Variants in NTN1 observed in about 807,000 individuals in gnomAD.
The protein encoded by NTN1 is netrin-1.
A neutral mutation model predicts 54.2 loss-of-function variants in NTN1; 11 were observed. That is an observed-to-expected ratio of 0.20 (90% confidence interval 0.13 to 0.34). The LOEUF (loss-of-function observed/expected upper bound fraction) is 0.34. Ranked by LOEUF, NTN1 falls within the 10% of genes least tolerant of loss-of-function variation. The pLI is 1.00. For synonymous variants in NTN1, 371 were observed against 382.0 expected, an observed-to-expected ratio of 0.97 and a Z score of 0.33; for missense variants, 740 against 893.1, an observed-to-expected ratio of 0.83 and a Z score of 2.18.
Position 9,163,113 on chromosome 17 carries a change from G to A in NTN1, c.1207+112G>A. The A allele has an allele frequency of 4.0e-6, 4 of 1,010,148 alleles. No individual in the cohort carries two copies. In the South Asian group the frequency reaches 6.5e-5, roughly 16 times the overall value. The allele number at this position is 1,010,148 out of a possible 1,614,324, so 62.6% of individuals were successfully genotyped here. A position where few individuals can be genotyped will look rare whatever the true frequency, so the allele number is the denominator to read the frequency against. ...CTTCCAGTCTGTACAAATTGGCGTTGTCTGAGGTCATCTCTCTCTCTTTCT... is the reference window on the plus strand; with the variant it reads ...CTTCCAGTCTGTACAAATTGGCGTTATCTGAGGTCATCTCTCTCTCTTTCT... On this transcript the variant is annotated intron_variant, in intron 3 of 6. Transcript: ENST00000173229.
chr17:9,114,160 AAAAAAAAT>A (rs2092202199), intron 2 of NTN1, among the ~76,000 whole-genome samples: 1 of 94,390 alleles, frequency 1.1e-5, no homozygotes, highest in Non-Finnish European at 2.2e-5. Flanking sequence ...AAAGAAAAAA[AAAAAAAAT>A]ATATATATAT....
At chr17:9,083,383 A>C (rs368319013) in intron 2 of NTN1, among the ~76,000 whole-genome samples, 2 of 152,254 alleles carry the variant, frequency 1.3e-5, no homozygotes, top group African/African-American at 4.8e-5. Flanking sequence ...GGCGTGAGCC[A>C]CTACACCCAG....
chr17:9,006,498 C>T, the NTN1 span, among the ~76,000 whole-genome samples: 7 of 152,112 alleles, frequency 4.6e-5, no homozygotes, highest in South Asian at 2.1e-4. Context: ...GCTGGACTCC[C>T]AATCCGGAGC....
At chr17:9,096,401 T>C (rs1375096451) in intron 2 of NTN1, among the ~76,000 whole-genome samples, 7 of 114,766 alleles carry the variant, frequency 6.1e-5, no homozygotes, top group Admixed American at 3.5e-4. Flanking sequence ...GATGGAGTCT[T>C]GCTCTGTCGC....
chr17:9,188,577 C>T (rs559783278), intron 5 of NTN1, among the ~76,000 whole-genome samples: 1 of 151,674 alleles, frequency 6.6e-6, no homozygotes, highest in South Asian at 2.1e-4. Flanking sequence ...GGAGACAAGG[C>T]ACTGGAGCAT....
At chr17:9,082,193 G>T (rs9897200) in intron 2 of NTN1, among the ~76,000 whole-genome samples, 13,644 of 152,106 alleles carry the variant, frequency 0.09, 708 homozygotes, top group Non-Finnish European at 0.11. Context: ...CTGAGTAACT[G>T]GGATTAGAGG....
At chr17:9,071,831 A>G (rs1314500768) in intron 2 of NTN1, among the ~76,000 whole-genome samples, 1 of 152,244 alleles carries the variant, frequency 6.6e-6, no homozygotes, top group Non-Finnish European at 1.5e-5. Flanking sequence ...CTTTCCCTCC[A>G]GAATTCCTAA....
intron 2 of NTN1, among the ~76,000 whole-genome samples, chr17:9,157,027 G>A (rs9892107): frequency 0.25 from 35,484 of 139,244 alleles, 4,351 homozygotes; most frequent in African/African-American, 0.3. Flanking sequence ...CTATCCATCC[G>A]TCCATCCATC....
chr17:9,218,923 A>AG (rs1372322208), intron 5 of NTN1, among the ~76,000 whole-genome samples: 1 of 152,084 alleles, frequency 6.6e-6, no homozygotes, highest in Non-Finnish European at 1.5e-5. Flanking sequence ...GTGAAAAAAA[A>AG]AAAAAAAATT....
At chr17:9,060,420 T>G (rs753112031) in intron 2 of NTN1, among the ~76,000 whole-genome samples, 10 of 152,232 alleles carry the variant, frequency 6.6e-5, no homozygotes, top group Non-Finnish European at 1.2e-4. Context: ...CAGTCAACAG[T>G]AGGCTACTAT....
chr17:9,060,926 A>G (rs571487325), intron 2 of NTN1, among the ~76,000 whole-genome samples: 11 of 133,638 alleles, frequency 8.2e-5, no homozygotes, highest in African/African-American at 3.1e-4. Context: ...CAGTGAGCCG[A>G]GATTGTACCA....
chr17:9,103,939 A>T (rs905706180), intron 2 of NTN1, among the ~76,000 whole-genome samples: 1 of 151,872 alleles, frequency 6.6e-6, no homozygotes, highest in African/African-American at 2.4e-5. Context: ...ATACAAAAAA[A>T]TTAGCCAGGT....
chr17:9,177,993 G>A (rs1221789423), intron 3 of NTN1, among the ~76,000 whole-genome samples: 2 of 152,168 alleles, frequency 1.3e-5, no homozygotes, highest in African/African-American at 2.4e-5. Flanking sequence ...TCAGGAGTTC[G>A]AGACCAGCCT....
intron 5 of NTN1, 104 bp downstream of exon 5, chr17:9,183,073 C>A: frequency 8.5e-7 from 1 of 1,182,684 alleles, no homozygotes; most frequent in Non-Finnish European, 1.3e-6. Context: ...CTCCTCTAAC[C>A]ACTGTCCGGG....
intron 6 of NTN1, among the ~76,000 whole-genome samples, chr17:9,226,454 T>TCTCATGGGGAGGCG: frequency 1.1e-5 from 1 of 94,912 alleles, no homozygotes; most frequent in East Asian, 4.8e-4. Context: ...GTGGGGAGGC[T>TCTCATGGGGAGGCG]GTCTCGTGGG....
chr17:9,009,750 T>C, the NTN1 span, among the ~76,000 whole-genome samples: 1 of 152,112 alleles, frequency 6.6e-6, no homozygotes, highest in Non-Finnish European at 1.5e-5. Context: ...TCATATTTCA[T>C]GAAAAACATT....
chr17:9,184,110 G>A (rs2092426588), intron 5 of NTN1, among the ~76,000 whole-genome samples: 2 of 152,202 alleles, frequency 1.3e-5, no homozygotes, highest in Non-Finnish European at 2.9e-5. Context: ...ATACAGACTG[G>A]ATTTTGGAGA....
chr17:9,138,654 C>T (rs1012540702), intron 2 of NTN1, among the ~76,000 whole-genome samples: 1 of 152,210 alleles, frequency 6.6e-6, no homozygotes, highest in Non-Finnish European at 1.5e-5. Context: ...GTGCCGGGTA[C>T]CGCGATGAGG....
chr17:9,016,099 C>A, the NTN1 span, among the ~76,000 whole-genome samples: 18 of 151,698 alleles, frequency 1.2e-4, no homozygotes, highest in East Asian at 1.9e-4. Flanking sequence ...ACAAAAAAAC[C>A]CCCACAAAAC....
Sources: gnomAD v4.1 joint callset for allele counts (sites outside exome capture counted in the v4.1 genomes callset) on GRCh38, gnomAD v4.1.1 for gene constraint, MANE v1.5 for transcripts, NCBI Gene and HGNC (gene_info 2026-07-23, HGNC 2026-07-21) for gene names.